RAB4A: variants seen among roughly 807,000 people sequenced by gnomAD.
RAB4A encodes ras-related protein Rab-4A.
RAB4A carries 20 observed loss-of-function variants against 34.5 expected under a neutral mutation model. The ratio of observed to expected loss-of-function variants is 0.58; its 90% CI spans 0.41 to 0.84. The LOEUF (loss-of-function observed/expected upper bound fraction) is 0.84, where lower values mean the gene tolerates loss of function less well. RAB4A is among the 40% of genes least tolerant of loss of function. The pLI, the probability that RAB4A is intolerant of heterozygous loss-of-function variation, is 0.00. For missense variants in RAB4A, 228 were observed against 274.5 expected, an observed-to-expected ratio of 0.83 and a Z score of 1.20; for synonymous variants, 102 against 100.0, an observed-to-expected ratio of 1.02 and a Z score of -0.12.
At chr1:229,275,481 C>T (rs1431288062) in intron 1 of RAB4A, among the ~76,000 whole-genome samples, 5 of 152,106 alleles carry the variant, frequency 3.3e-5, no homozygotes, top group South Asian at 2.1e-4. Flanking sequence ...GTTTGTGGTT[C>T]TTTGTGATGG....
At chr1:229,295,989 G>A (rs919118843) in intron 4 of RAB4A, 79 bp downstream of exon 4, 16 of 1,423,098 alleles carry the variant, frequency 1.1e-5, no homozygotes, top group South Asian at 7.1e-5. Context: ...GGTGCCCTCC[G>A]TGCAGTGTGT....
chr1:229,302,278 TATATATA>T (rs1657410134), intron 6 of RAB4A, among the ~76,000 whole-genome samples: 1 of 22,866 alleles, frequency 4.4e-5, no homozygotes, highest in African/African-American at 1.6e-4. Context: ...TATATATATA[TATATATA>T]TATATATATA....
intron 6 of RAB4A, 151 bp downstream of exon 6, chr1:229,299,223 G>A (rs892317044): frequency 8.5e-6 from 5 of 589,812 alleles, no homozygotes; most frequent in Non-Finnish European, 1.4e-5. Context: ...GGGTTCAAAG[G>A]TCCTGTTCTT....
intron 1 of RAB4A, among the ~76,000 whole-genome samples, chr1:229,277,057 A>G (rs1656670566): frequency 6.8e-6 from 1 of 146,672 alleles, no homozygotes; most frequent in African/African-American, 2.5e-5. Flanking sequence ...ATAATTATTT[A>G]TAATTTATAT....
chr1:229,292,700 A>G (rs1466465307), intron 3 of RAB4A, among the ~76,000 whole-genome samples: 1 of 152,218 alleles, frequency 6.6e-6, no homozygotes, highest in African/African-American at 2.4e-5. Flanking sequence ...GCAGCAAAGT[A>G]ATAATTAGTA....
At chr1:229,299,141 T>A in intron 6 of RAB4A, 69 bp downstream of exon 6, 1 of 1,068,502 alleles carries the variant, frequency 9.4e-7, no homozygotes, top group Non-Finnish European at 1.4e-6. Flanking sequence ...GATCACCTTT[T>A]AATTAATAGT....
intron 1 of RAB4A, among the ~76,000 whole-genome samples, chr1:229,282,496 C>T (rs556719222): frequency 6.6e-6 from 1 of 152,286 alleles, no homozygotes; most frequent in Non-Finnish European, 1.5e-5. Flanking sequence ...TTTAAGTTTT[C>T]AGTGCTGTTT....
chr1:229,304,254 T>G lies in RAB4A; in HGVS notation c.*461T>G, dbSNP rs1657490656. On this transcript the variant is annotated 3_prime_UTR_variant, in exon 8 of 8. Coordinates refer to ENST00000366690, the MANE Select transcript of RAB4A (RefSeq NM_004578.4). ...AATTGGTTATATTTATGACCTGATA[T>G]TCAAAGACTCTGGCATTGATAGCCA... The G allele has an allele frequency of 6.6e-6, 1 of 152,152 alleles. No homozygotes were observed. The highest frequency in any genetic ancestry group is 2.1e-4 in the South Asian group (1 of 4,826). 9.4% of individuals were successfully genotyped at this position (152,152 alleles called of 1,614,324 possible).
intron 2 of RAB4A, 141 bp from the exon 3 acceptor site, chr1:229,288,588 A>G (rs1656984203): frequency 3.6e-6 from 2 of 559,556 alleles, no homozygotes; most frequent in East Asian, 3.2e-5. Flanking sequence ...CATCTTCTCA[A>G]TGGAATGTTG....
At chr1:229,278,021 C>T (rs563368468) in intron 1 of RAB4A, among the ~76,000 whole-genome samples, 5 of 146,454 alleles carry the variant, frequency 3.4e-5, no homozygotes, top group East Asian at 1.9e-4. Flanking sequence ...TGCGCCACCA[C>T]GCCTGGCTCA....
In RAB4A at chr1:229,295,923, C is replaced by T. The variant is rs79172089; in HGVS notation, c.290+13C>T. The stretch of plus-strand genomic sequence containing the variant: ...ATGATATCACCAGGTAATGCCAGCT[C>T]CCCCTGGTGAAGGAGGGTGCTCAGT... On this transcript the variant is annotated intron_variant, in intron 4 of 7. Coordinates refer to ENST00000366690, the MANE Select transcript of RAB4A (RefSeq NM_004578.4). The T allele has an allele frequency of 1.2e-3, 1,857 of 1,613,528 alleles. 29 individuals carry two copies. The African/African-American group carries it at 0.022, about 20-fold the overall frequency.
chr1:229,302,287 ATATATATATATATATATATATATTTTT>A (rs1357552228), intron 6 of RAB4A, among the ~76,000 whole-genome samples: 4 of 21,172 alleles, frequency 1.9e-4, no homozygotes, highest in South Asian at 1.1e-3. Flanking sequence ...ATATATATAT[ATATATATATATATATATATATATTTTT>A]TTTTTTTTTT....
chr1:229,283,560 G>T (rs1656832285), intron 1 of RAB4A, among the ~76,000 whole-genome samples: 1 of 152,002 alleles, frequency 6.6e-6, no homozygotes, highest in Non-Finnish European at 1.5e-5. Flanking sequence ...TTTTTTGTCT[G>T]CATCCATTGG....
chr1:229,275,009 A>G (rs1407984296), intron 1 of RAB4A, among the ~76,000 whole-genome samples: 1 of 152,172 alleles, frequency 6.6e-6, no homozygotes, highest in Non-Finnish European at 1.5e-5. Flanking sequence ...TAATTTTGAG[A>G]ATTATCAGAA....
At chr1:229,299,627 C>T (rs1003902534) in intron 6 of RAB4A, among the ~76,000 whole-genome samples, 1 of 152,130 alleles carries the variant, frequency 6.6e-6, no homozygotes, top group Non-Finnish European at 1.5e-5. Flanking sequence ...AGGCAGCTGA[C>T]GAAATACTGT....
In RAB4A at chr1:229,302,276, TATATATATATATATATATATATATA is replaced by T. The variant is rs1190167757; in HGVS notation, c.542-585_542-561del. Among the ~76,000 whole-genome samples the T allele has an allele frequency of 3.2e-3, 87 of 26,994 alleles. 2 individuals carry two copies. Among genetic ancestry groups the T allele is most frequent in the African/African-American group, 7.4e-3 (45 of 6,114 alleles). 17.7% of individuals were successfully genotyped at this position (26,994 alleles called of 152,430 possible). A position where few individuals can be genotyped will look rare whatever the true frequency, so the allele number is the denominator to read the frequency against. Reference sequence around the variant, plus strand: ...AAATAATTATATATATATATATATATATATATATATATATATATATATATATATATATATTTTTTTTTTTTTTTTA... The same window carrying T: ...AAATAATTATATATATATATATATATTATATATATTTTTTTTTTTTTTTTA... On this transcript the variant is annotated intron_variant, in intron 6 of 7. Coordinates refer to ENST00000366690, the MANE Select transcript of RAB4A (RefSeq NM_004578.4).
intron 3 of RAB4A, among the ~76,000 whole-genome samples, chr1:229,292,605 G>A (rs556360982): frequency 6.6e-6 from 1 of 152,318 alleles, no homozygotes; most frequent in African/African-American, 2.4e-5. Context: ...AAGGCAGAGA[G>A]GAAAAGCTTC....
chr1:229,299,062 A>G lies in RAB4A; in HGVS notation c.531A>G (p.Lys177=), dbSNP rs751365163. The G allele has an allele frequency of 1.7e-5, 27 of 1,604,608 alleles. No homozygotes were observed. The South Asian group carries it at 3.0e-4, about 18-fold the overall frequency. Residue 177 remains lysine, a synonymous_variant, in exon 6 of 8, where the codon AAA becomes AAG. Transcript: ENST00000366690. ...FVQCARKILN[K]IESGELDPER... The stretch of plus-strand genomic sequence containing the variant: ...AGTGTGCAAGAAAAATACTTAACAA[A>G]ATCGAATCAGGTAAAAGCCTTTCCA...
At chr1:229,283,550 T>A (rs1656832034) in intron 1 of RAB4A, among the ~76,000 whole-genome samples, 3 of 152,114 alleles carry the variant, frequency 2.0e-5, no homozygotes, top group African/African-American at 7.2e-5. Context: ...TGCTAGGACT[T>A]TTTTTGTCTG....
Sources: gnomAD v4.1 joint callset for allele counts (sites outside exome capture counted in the v4.1 genomes callset) on GRCh38, gnomAD v4.1.1 for gene constraint, MANE v1.5 for transcripts, NCBI Gene and HGNC (gene_info 2026-07-23, HGNC 2026-07-21) for gene names.